PRSS55: variants seen among roughly 807,000 people sequenced by gnomAD.
PRSS55 encodes the protein serine protease 55, also known as probable serine protease UNQ9391/PRO34284.
PRSS55 carries 41 observed loss-of-function variants against 23.6 expected under a neutral mutation model. That is an observed-to-expected ratio of 1.74 (90% CI 1.35 to 2.26). The LOEUF is 2.26. Among genes scored for constraint, PRSS55 ranks in the 30% most tolerant of loss-of-function variants. The pLI, the probability that PRSS55 is intolerant of heterozygous loss-of-function variation, is 0.00. For synonymous variants in PRSS55, 262 were observed against 175.5 expected, an observed-to-expected ratio of 1.49 and a Z score of -3.90; for missense variants, 669 against 439.1, an observed-to-expected ratio of 1.52 and a Z score of -4.68.
chr8:10,528,716 T>C (rs927577644), intron 1 of PRSS55, among the ~76,000 whole-genome samples: 12 of 152,188 alleles, frequency 7.9e-5, no homozygotes, highest in Admixed American at 3.9e-4. Context: ...ACCTGGCGGC[T>C]TAAACAACAC....
At chr8:10,544,073 C>G (rs1283687135) in intron 4 of PRSS55, among the ~76,000 whole-genome samples, 9 of 152,104 alleles carry the variant, frequency 5.9e-5, no homozygotes, top group Non-Finnish European at 1.2e-4. Context: ...CCTCTTTATC[C>G]TTGTTAATCT....
intron 1 of PRSS55, among the ~76,000 whole-genome samples, chr8:10,527,521 A>G (rs1020358324): frequency 2.6e-5 from 4 of 152,248 alleles, no homozygotes; most frequent in African/African-American, 9.6e-5. Flanking sequence ...AGTCACCAGG[A>G]TGGGAGGGGC....
At chr8:10,553,980 G>A in exon 5 of PRSS55, 1 of 1,531,210 alleles carries the variant, frequency 6.5e-7, no homozygotes, top group Non-Finnish European at 8.7e-7. Context: ...ATGAACACCG[G>A]AAGCTCTCAA....
In PRSS55 at chr8:10,538,681, A is replaced by G; in HGVS notation, c.947A>G (p.Lys316Arg). Reference sequence around the variant, plus strand: ...GCAGAGAAAAGGAGGACTTCTGTCAAACAGAAACCTATGGGCTCCCCAGTC... The same window carrying G: ...GCAGAGAAAAGGAGGACTTCTGTCAGACAGAAACCTATGGGCTCCCCAGTC... ...FNAEKRRTSV[K>R]QKPMGSPVSG... is the part of the protein sequence containing the mutation. Residue 316 changes from lysine (K) to arginine (R), a missense_variant, in exon 5 of 5, where the codon AAA becomes AGA. By Grantham distance (26) the Lys-to-Arg change is conservative. Coordinates refer to ENST00000328655, the MANE Select transcript of PRSS55 (RefSeq NM_198464.4). 2 of 1,614,208 alleles carry G rather than the reference A, an allele frequency of 1.2e-6. No homozygotes were observed. Among genetic ancestry groups the G allele is most frequent in the Non-Finnish European group, 1.7e-6 (2 of 1,180,030 alleles).
chr8:10,529,842 AC>A (rs1563536219), intron 2 of PRSS55, 143 bp downstream of exon 2: 4 of 794,682 alleles, frequency 5.0e-6, no homozygotes, highest in Non-Finnish European at 8.0e-6. Context: ...CCATCCACCC[AC>A]CCCCCAGCCT....
chr8:10,530,200 T>A (rs895265236), intron 2 of PRSS55, among the ~76,000 whole-genome samples: 1 of 152,240 alleles, frequency 6.6e-6, no homozygotes, highest in Non-Finnish European at 1.5e-5. Flanking sequence ...CCGGGTGCGG[T>A]GGCTCACGCC....
At chr8:10,535,716 G>C (rs1812430959) in intron 4 of PRSS55, among the ~76,000 whole-genome samples, 1 of 152,026 alleles carries the variant, frequency 6.6e-6, no homozygotes, top group Admixed American at 6.6e-5. Context: ...TAAAACGTTG[G>C]CCCAATTAAA....
chr8:10,543,328 T>C (rs576076397), downstream of PRSS55, among the ~76,000 whole-genome samples: 33 of 152,294 alleles, frequency 2.2e-4, no homozygotes, highest in African/African-American at 7.2e-4. Flanking sequence ...AGTCAAAGCA[T>C]GAAGACATCA....
At chr8:10,550,394 G>A (rs1441307366) in intron 4 of PRSS55, among the ~76,000 whole-genome samples, 1 of 152,184 alleles carries the variant, frequency 6.6e-6, no homozygotes, top group Non-Finnish European at 1.5e-5. Context: ...CTGGCCTCAC[G>A]TCCCTGGCCT....
chr8:10,547,232 C>A (rs1384510000), intron 4 of PRSS55, among the ~76,000 whole-genome samples: 1 of 152,190 alleles, frequency 6.6e-6, no homozygotes, highest in East Asian at 1.9e-4. Flanking sequence ...GAGGGGTGAG[C>A]GTAGTGGTCC....
Position 10,531,546 on chromosome 8 carries a change from G to A in PRSS55, c.598+1G>A. On this transcript the variant is annotated splice_donor_variant, in intron 3 of 4. Transcript: ENST00000328655. LOFTEE classifies it high-confidence loss of function. The stretch of plus-strand genomic sequence containing the variant: ...GCAGGTTGGGGCCAGACCAATGCTG[G>A]TATGTGACTGCTCAGCTTCCCCTGG... The A allele has an allele frequency of 1.9e-6, 3 of 1,613,082 alleles. No homozygotes were observed. The highest frequency in any genetic ancestry group is 1.1e-5 in the South Asian group (1 of 91,042).
chr8:10,531,343 A>G lies in PRSS55; in HGVS notation c.396A>G (p.Pro132=). The change falls in exon 3 of 5, where the codon CCA becomes CCG. Residue 132 remains proline, a synonymous_variant. Transcript: ENST00000328655. Reference sequence around the variant, plus strand: ...TGGGGACCAACGACTTAACTAGCCCATCCATGGAAATAAAGGAGGTCGCCA... The same window carrying G: ...TGGGGACCAACGACTTAACTAGCCCGTCCATGGAAATAAAGGAGGTCGCCA... ...VVLGTNDLTS[P]SMEIKEVASI... 6.2e-7 allele frequency: 1 copy of G among 1,614,150 alleles called. No individual in the cohort carries two copies. The highest frequency in any genetic ancestry group is 8.5e-7 in the Non-Finnish European group (1 of 1,180,046).
At chr8:10,545,689 T>C (rs538278106) in intron 4 of PRSS55, among the ~76,000 whole-genome samples, 2 of 152,316 alleles carry the variant, frequency 1.3e-5, no homozygotes, top group South Asian at 4.1e-4. Flanking sequence ...AATGAAGCTT[T>C]CGGTGTGGCT....
chr8:10,540,452 C>T (rs979015337), downstream of PRSS55: 7 of 152,290 alleles, frequency 4.6e-5, no homozygotes, highest in African/African-American at 1.7e-4. Context: ...TGGCTCATGC[C>T]TGTAATCCCA....
chr8:10,537,271 TACACGACGGAA>T (rs2117046639), intron 4 of PRSS55, among the ~76,000 whole-genome samples: 1 of 152,314 alleles, frequency 6.6e-6, no homozygotes, highest in African/African-American at 2.4e-5. Context: ...TTAGGCAGTA[TACACGACGGAA>T]TATTATTCAG....
intron 4 of PRSS55, chr8:10,547,698 T>G: frequency 6.6e-6 from 1 of 151,054 alleles, no homozygotes; most frequent in Non-Finnish European, 1.5e-5. Flanking sequence ...TTTTCTTTCC[T>G]TCCCTTCCTT....
Position 10,529,803 on chromosome 8 carries a change from G to T in PRSS55, c.347+104G>T. 7.8e-6 allele frequency: 9 copies of T among 1,154,846 alleles called. 1 individual carries two copies. The highest frequency in any genetic ancestry group is 3.8e-6 in the Non-Finnish European group (3 of 797,432). The allele number at this position is 1,154,846 out of a possible 1,614,324, so 71.5% of individuals were successfully genotyped here. On this transcript the variant is annotated intron_variant, in intron 2 of 4. Transcript: ENST00000328655. ...GGCTGAGAGGAACCTGCGACTGCTCGGTATCCAGTCGGCATGAATGGCTCC... is the reference window on the plus strand; with the variant it reads ...GGCTGAGAGGAACCTGCGACTGCTCTGTATCCAGTCGGCATGAATGGCTCC...
At position 10,544,056 on chromosome 8, in the gene PRSS55, C is replaced by T. The variant is rs141487234; in HGVS notation, c.742-9887C>T. 4.0e-4 allele frequency among the ~76,000 whole-genome samples: 61 copies of T among 152,170 alleles called. 1 individual carries two copies. Among genetic ancestry groups the T allele is most frequent in the African/African-American group, 1.3e-3 (55 of 41,534 alleles). On this transcript the variant is annotated intron_variant, in intron 4 of 4. Transcript: ENST00000522210. ...TAGGTCTAGCTGGTTTATAGTATTG[C>T]CAAAATCCTCTTTATCCTTGTTAAT... is the stretch of plus-strand genomic sequence containing the variant.
chr8:10,550,848 A>T (rs924904893), intron 4 of PRSS55, among the ~76,000 whole-genome samples: 15 of 152,244 alleles, frequency 9.9e-5, no homozygotes, highest in Non-Finnish European at 1.3e-4. Flanking sequence ...GTGCGTGAGC[A>T]CAAACACATC....
Sources: gnomAD v4.1 joint callset for allele counts (sites outside exome capture counted in the v4.1 genomes callset) on GRCh38, gnomAD v4.1.1 for gene constraint, MANE v1.5 for transcripts, NCBI Gene and HGNC (gene_info 2026-07-23, HGNC 2026-07-21) for gene names.